ATP10A: variants seen among roughly 807,000 people sequenced by gnomAD.
The protein encoded by ATP10A is ATPase phospholipid transporting 10A (putative), also known as phospholipid-transporting ATPase VA.
A neutral mutation model predicts 147.8 loss-of-function variants in ATP10A; 111 were observed. That is an observed-to-expected ratio of 0.75 (90% CI 0.64 to 0.88). The LOEUF is 0.88. ATP10A is among the 40% of genes least tolerant of loss of function. ATP10A has a pLI of 0.00. For missense variants in ATP10A, 1,927 were observed against 1,959.0 expected (o/e 0.98, Z 0.31); for synonymous variants, 875 against 841.6 (o/e 1.04, Z -0.69).
chr15:25,816,661 G>A lies in ATP10A; in HGVS notation c.450-35438C>T, dbSNP rs577717391. 7.9e-5 allele frequency among the ~76,000 whole-genome samples: 12 copies of A among 152,148 alleles called. 1 individual carries two copies. Among genetic ancestry groups the A allele is most frequent in the African/African-American group, 2.2e-4 (9 of 41,524 alleles). On this transcript the variant is annotated intron_variant, in intron 1 of 20. Transcript: ENST00000555815. ...CTTCTTTCCCTAACCTTGCAATGTC[G>A]GTGATAATGCTATTCAATTCTGAGA... is the stretch of plus-strand genomic sequence containing the variant.
intron 2 of ATP10A, among the ~76,000 whole-genome samples, chr15:25,763,820 C>A (rs868839509): frequency 1.3e-5 from 2 of 152,182 alleles, no homozygotes; most frequent in African/African-American, 4.8e-5. Flanking sequence ...AAAATTATAT[C>A]TATAGGAGAA....
At chr15:25,855,006 C>CT (rs1893447182) in intron 1 of ATP10A, among the ~76,000 whole-genome samples, 2 of 149,310 alleles carry the variant, frequency 1.3e-5, no homozygotes, top group African/African-American at 2.5e-5. Context: ...TTGCAGTGAG[C>CT]TGAGATCGCC....
intron 1 of ATP10A, among the ~76,000 whole-genome samples, chr15:25,794,390 T>A (rs1890571064): frequency 6.6e-6 from 1 of 152,004 alleles, no homozygotes. Context: ...TCTGGAAATA[T>A]CTCCAAAAAA....
intron 9 of ATP10A, among the ~76,000 whole-genome samples, chr15:25,716,327 G>A (rs1901805052): frequency 6.7e-6 from 1 of 149,844 alleles, no homozygotes; most frequent in African/African-American, 2.5e-5. Context: ...GGCTCGGGGA[G>A]GTTGTCCTGG....
chr15:25,862,586 A>G (rs1316538458), intron 1 of ATP10A, 62 bp downstream of exon 1: 2 of 1,445,512 alleles, frequency 1.4e-6, no homozygotes, highest in Non-Finnish European at 1.8e-6. Context: ...GCCCAACACC[A>G]AGTTCCCGGG....
chr15:25,704,422 G>C (rs7173132), intron 12 of ATP10A, among the ~76,000 whole-genome samples: 151,604 of 152,334 alleles, frequency 1, 75,443 homozygotes, highest in Middle Eastern at 1. Context: ...CTTTGTATCC[G>C]AGCTGCTGAG....
chr15:25,759,744 G>C (rs1313318007), intron 2 of ATP10A, among the ~76,000 whole-genome samples: 1 of 151,812 alleles, frequency 6.6e-6, no homozygotes, highest in Non-Finnish European at 1.5e-5. Context: ...GGGAGGTGGA[G>C]GTGGCAGTGA....
At chr15:25,762,057 G>C (rs1377268447) in intron 2 of ATP10A, among the ~76,000 whole-genome samples, 1 of 151,988 alleles carries the variant, frequency 6.6e-6, no homozygotes, top group Non-Finnish European at 1.5e-5. Flanking sequence ...ATGACTCAGG[G>C]GTCGGTTCCC....
chr15:25,803,410 G>C (rs1891028086), intron 1 of ATP10A, among the ~76,000 whole-genome samples: 1 of 152,220 alleles, frequency 6.6e-6, no homozygotes, highest in Non-Finnish European at 1.5e-5. Flanking sequence ...TGGGTGCTGG[G>C]ACATTTTCTC....
chr15:25,757,628 T>G (rs1330664035), intron 2 of ATP10A, among the ~76,000 whole-genome samples: 1 of 152,202 alleles, frequency 6.6e-6, no homozygotes, highest in Non-Finnish European at 1.5e-5. Context: ...GTATGAGGAT[T>G]TGTTTTTGGT....
intron 12 of ATP10A, among the ~76,000 whole-genome samples, chr15:25,705,518 A>G (rs1192032434): frequency 6.6e-6 from 1 of 151,694 alleles, no homozygotes; most frequent in East Asian, 1.9e-4. Flanking sequence ...GTAAAAATAT[A>G]AGTGGCTGGC....
In ATP10A at chr15:25,781,164, C is replaced by G; in HGVS notation, c.509G>C (p.Arg170Pro). Residue 170 changes from arginine (R) to proline (P), a missense_variant, in exon 2 of 21, where the codon CGT becomes CCT. Transcript: ENST00000555815. ...AGGGAAGATTTCGTTGCAGCGAAGA[C>G]GCACAAAGTCTCCCACGTGGATTTC... ...WKEIHVGDFV[R>P]LRCNEIFPAD... 6.2e-7 allele frequency: 1 copy of G among 1,614,174 alleles called. No individual in the cohort carries two copies. Among genetic ancestry groups the G allele is most frequent in the African/African-American group, 1.3e-5 (1 of 75,050 alleles).
intron 2 of ATP10A, among the ~76,000 whole-genome samples, chr15:25,747,779 G>C (rs1415058853): frequency 6.6e-6 from 1 of 152,124 alleles, no homozygotes; most frequent in African/African-American, 2.4e-5. Context: ...GATTCAGATG[G>C]CTTCACCAGT....
chr15:25,825,393 T>C (rs979593861), intron 1 of ATP10A, among the ~76,000 whole-genome samples: 1 of 152,102 alleles, frequency 6.6e-6, no homozygotes, highest in African/African-American at 2.4e-5. Flanking sequence ...TGTAGGAATA[T>C]AAACATGCTC....
chr15:25,680,661 G>T, intron 19 of ATP10A, 149 bp downstream of exon 19: 1 of 780,246 alleles, frequency 1.3e-6, no homozygotes, highest in Non-Finnish European at 2.2e-6. Context: ...GCTCGGGAAT[G>T]TGTCATTGTC....
At chr15:25,689,132 G>A (rs1899866456) in intron 15 of ATP10A, among the ~76,000 whole-genome samples, 1 of 152,222 alleles carries the variant, frequency 6.6e-6, no homozygotes, top group Non-Finnish European at 1.5e-5. Context: ...CCCCTCTGAG[G>A]ACGCCTGGCT....
intron 1 of ATP10A, among the ~76,000 whole-genome samples, chr15:25,855,707 C>A (rs1373472185): frequency 6.6e-6 from 1 of 152,134 alleles, no homozygotes; most frequent in Non-Finnish European, 1.5e-5. Flanking sequence ...CCAGGGCAAT[C>A]AGGCAAGAAA....
intron 2 of ATP10A, among the ~76,000 whole-genome samples, chr15:25,743,546 C>T (rs542286652): frequency 6.6e-6 from 1 of 152,354 alleles, no homozygotes; most frequent in East Asian, 1.9e-4. Flanking sequence ...GGGTCTACAG[C>T]TTCTGCAAGA....
chr15:25,716,274 C>T lies in ATP10A; in HGVS notation c.1776+456G>A, dbSNP rs545691284. On this transcript the variant is annotated intron_variant, in intron 9 of 20. Coordinates refer to ENST00000555815, the MANE Select transcript of ATP10A (RefSeq NM_024490.4). ...CTCCTCGTCCCAGAAGCTGGGCCCC[C>T]GGCCTGTCTTGTCCTCTCTCCTGTG... Among the ~76,000 whole-genome samples the T allele has an allele frequency of 1.2e-4, 19 of 152,338 alleles. No homozygotes were observed. In the South Asian group the frequency reaches 2.5e-3, roughly 20 times the overall value.
Sources: gnomAD v4.1 joint callset for allele counts (sites outside exome capture counted in the v4.1 genomes callset) on GRCh38, gnomAD v4.1.1 for gene constraint, MANE v1.5 for transcripts, NCBI Gene and HGNC (gene_info 2026-07-23, HGNC 2026-07-21) for gene names.